The following AP2A1 variants were observed in gnomAD, a reference collection of about 807,000 sequenced individuals.
The protein encoded by AP2A1 is adaptor related protein complex 2 subunit alpha 1, also known as AP-2 complex subunit alpha-1.
A neutral mutation model predicts 107.3 loss-of-function variants in AP2A1; 21 were observed. The ratio of observed to expected loss-of-function variants is 0.20; its 90% CI spans 0.14 to 0.28. The LOEUF is 0.28. Ranked by LOEUF, AP2A1 falls within the 10% of genes least tolerant of loss-of-function variation. The probability of loss-of-function intolerance (pLI) is 1.00; values close to 1 mark genes in which losing one functional copy is unlikely to be tolerated. For synonymous variants in AP2A1, 602 were observed against 564.8 expected, an observed-to-expected ratio of 1.07 and a Z score of -0.93; for missense variants, 873 against 1,307.7, an observed-to-expected ratio of 0.67 and a Z score of 5.13.
intron 1 of AP2A1, among the ~76,000 whole-genome samples, chr19:49,776,678 C>T (rs1346066569): frequency 1.3e-5 from 2 of 152,158 alleles, no homozygotes; most frequent in African/African-American, 4.8e-5. Flanking sequence ...TGATCCTGGT[C>T]TGTCAGAGCT....
In AP2A1 at chr19:49,802,095, G is replaced by T; in HGVS notation, c.2068G>T (p.Ala690Ser). Reference protein sequence around the residue: ...NLLVDVFDGPAAQPSLGPTPE... With the variant: ...NLLVDVFDGPSAQPSLGPTPE... Reference sequence around the variant, plus strand: ...TCTGGTGGACGTCTTCGATGGCCCGGCCGCCCAGCCCAGCCTGGGGCCCAC... The same window carrying T: ...TCTGGTGGACGTCTTCGATGGCCCGTCCGCCCAGCCCAGCCTGGGGCCCAC... The change falls in exon 15 of 23, where the codon GCC becomes TCC. Residue 690 changes from alanine (A) to serine (S), a missense_variant. Ala to Ser is a moderately conservative substitution (Grantham distance 99, BLOSUM62 1). Coordinates refer to ENST00000354293, the MANE Select transcript of AP2A1 (RefSeq NM_130787.3). 6.3e-7 allele frequency: 1 copy of T among 1,590,612 alleles called. No individual in the cohort carries two copies.
chr19:49,790,752 C>G (rs1442420779), intron 4 of AP2A1, among the ~76,000 whole-genome samples: 2 of 152,236 alleles, frequency 1.3e-5, no homozygotes, highest in Non-Finnish European at 2.9e-5. Context: ...AAGTCTGTTC[C>G]CTCACAACAG....
At position 49,799,336 on chromosome 19, in the gene AP2A1, C is replaced by T; in HGVS notation, c.975C>T (p.Asn325=). Residue 325 remains asparagine, a synonymous_variant, in exon 9 of 23, where the codon AAC becomes AAT. Coordinates refer to ENST00000354293, the MANE Select transcript of AP2A1 (RefSeq NM_130787.3). ...TGGCCCCTGCTGGCAGTGAGCCCAA[C>T]CTCCTGGTTCGGGCCTGCAACCAGC... ...SLIIHYDSEP[N]LLVRACNQLG... The T allele has an allele frequency of 6.2e-7, 1 of 1,610,558 alleles. No homozygotes were observed. Among genetic ancestry groups the T allele is most frequent in the East Asian group, 2.2e-5 (1 of 44,842 alleles).
chr19:49,787,103 C>T (rs1394728987), intron 4 of AP2A1, among the ~76,000 whole-genome samples: 1 of 151,696 alleles, frequency 6.6e-6, no homozygotes, highest in Non-Finnish European at 1.5e-5. Context: ...GACTCCTGGG[C>T]TGAAGCGATC....
chr19:49,801,927 G>C (rs1353445389), intron 14 of AP2A1, 38 bp downstream of exon 14: 1 of 1,459,582 alleles, frequency 6.9e-7, no homozygotes, highest in African/African-American at 1.4e-5. Flanking sequence ...GGGTGCCTGG[G>C]GCTGGGTCCT....
At chr19:49,769,636 C>T (rs575726879) in intron 1 of AP2A1, among the ~76,000 whole-genome samples, 44 of 152,144 alleles carry the variant, frequency 2.9e-4, no homozygotes, top group East Asian at 1.9e-3. Context: ...GGAACAGGAT[C>T]GGGAAAGGCT....
At chr19:49,772,314 C>T (rs1245921417) in intron 1 of AP2A1, among the ~76,000 whole-genome samples, 7 of 114,284 alleles carry the variant, frequency 6.1e-5, no homozygotes, top group Non-Finnish European at 9.8e-5. Context: ...GGCTGGAGTG[C>T]AGTGGCGCGA....
intron 1 of AP2A1, among the ~76,000 whole-genome samples, chr19:49,779,861 T>C (rs2123683936): frequency 6.6e-6 from 1 of 152,344 alleles, no homozygotes; most frequent in South Asian, 2.1e-4. Context: ...ACTGCTATAT[T>C]GGATGGTGCA....
At chr19:49,805,200 C>T in intron 18 of AP2A1, 2 of 433,904 alleles carry the variant, frequency 4.6e-6, no homozygotes, top group Non-Finnish European at 8.1e-6. Flanking sequence ...CCAAGTCAGC[C>T]TCCAGAGCTA....
At chr19:49,775,965 C>A (rs73590460) in intron 1 of AP2A1, among the ~76,000 whole-genome samples, 5,822 of 152,252 alleles carry the variant, frequency 0.038, 158 homozygotes, top group African/African-American at 0.075. Flanking sequence ...GTTATCTCCC[C>A]TAACCAGAAG....
At chr19:49,800,287 C>G (rs1031457414) in intron 11 of AP2A1, 137 bp downstream of exon 11, 2 of 1,126,646 alleles carry the variant, frequency 1.8e-6, no homozygotes, top group South Asian at 3.2e-5. Context: ...AATGGGGCCT[C>G]TGCCTCTCTG....
intron 7 of AP2A1, 146 bp from the exon 8 acceptor site, chr19:49,798,656 C>G: frequency 9.2e-7 from 1 of 1,085,434 alleles, no homozygotes; most frequent in Non-Finnish European, 1.3e-6. Context: ...AGCAGAGACC[C>G]TGGCCCTGAG....
At chr19:49,772,261 T>TTTTTTTG (rs1568573066) in intron 1 of AP2A1, among the ~76,000 whole-genome samples, 56 of 131,166 alleles carry the variant, frequency 4.3e-4, no homozygotes, top group African/African-American at 1.6e-3. Flanking sequence ...TTTTTTTTTT[T>TTTTTTTG]TTTTTTTTTT....
rs981295731 is a variant in AP2A1, at chr19:49,781,734, C to G, written c.68-23C>G. 5.1e-6 allele frequency: 8 copies of G among 1,572,254 alleles called. No individual in the cohort carries two copies. In the African/African-American group the frequency reaches 6.8e-5, roughly 13 times the overall value. The stretch of plus-strand genomic sequence containing the variant: ...GCTGACTCCCCAGACCCCTCACTGC[C>G]TACCCTCCTCCTCCTCTCCCAGGTA... On this transcript the variant is annotated intron_variant, in intron 1 of 22. Transcript: ENST00000354293.
intron 6 of AP2A1, 39 bp from the exon 7 acceptor site, chr19:49,795,591 A>ACCCCCC: frequency 3.4e-6 from 1 of 295,774 alleles, no homozygotes. Context: ...TGCCCCTCCC[A>ACCCCCC]CCCCAGCCCC....
chr19:49,775,475 C>T (rs986351712), intron 1 of AP2A1, among the ~76,000 whole-genome samples: 4 of 151,954 alleles, frequency 2.6e-5, no homozygotes, highest in African/African-American at 7.2e-5. Context: ...CCACCATGCC[C>T]GGCTAATTTT....
chr19:49,805,655 C>T lies in AP2A1; in HGVS notation c.2469-6C>T, dbSNP rs764150097. ...GCCTAATGGAGCCTCCCTTTCACCT[C>T]ATCAGGTACGGTGGCGCCCCCCAGG... On this transcript the variant is annotated splice_polypyrimidine_tract_variant and splice_region_variant and intron_variant, in intron 19 of 22. Coordinates refer to ENST00000354293, the MANE Select transcript of AP2A1 (RefSeq NM_130787.3). 3.2e-6 allele frequency: 5 copies of T among 1,559,188 alleles called. No homozygotes were observed. The highest frequency in any genetic ancestry group is 1.2e-5 in the South Asian group (1 of 84,564).
At chr19:49,805,177 C>G (rs990774189) in intron 18 of AP2A1, 5 of 402,174 alleles carry the variant, frequency 1.2e-5, no homozygotes, top group African/African-American at 1.0e-4. Flanking sequence ...TGGTTAAGAG[C>G]TGGGATTCAA....
intron 20 of AP2A1, 31 bp from the exon 21 acceptor site, chr19:49,805,841 G>A (rs780430258): frequency 6.2e-7 from 1 of 1,613,376 alleles, no homozygotes; most frequent in Non-Finnish European, 8.5e-7. Context: ...GGGCCGTCCA[G>A]GTCCCTGACT....
Sources: gnomAD v4.1 joint callset for allele counts (sites outside exome capture counted in the v4.1 genomes callset) on GRCh38, gnomAD v4.1.1 for gene constraint, MANE v1.5 for transcripts, NCBI Gene and HGNC (gene_info 2026-07-23, HGNC 2026-07-21) for gene names.